The following GUF1 variants were observed in gnomAD, a reference collection of about 807,000 sequenced individuals.
GUF1 encodes translation factor GUF1, mitochondrial.
GUF1 carries 78 observed loss-of-function variants against 82.4 expected under a neutral mutation model. The observed-to-expected ratio is 0.95, with a 90% CI of 0.79 to 1.14. GUF1 has a LOEUF of 1.14. Ranked by LOEUF, GUF1 falls within the 50% of genes most tolerant of loss-of-function variation. The pLI, the probability that GUF1 is intolerant of heterozygous loss-of-function variation, is 0.00. For synonymous variants in GUF1, 279 were observed against 282.3 expected (o/e 0.99, Z 0.12); for missense variants, 814 against 798.2 (o/e 1.02, Z -0.24).
At chr4:44,689,005 C>A (rs1403517840) in intron 9 of GUF1, among the ~76,000 whole-genome samples, 2 of 108,440 alleles carry the variant, frequency 1.8e-5, no homozygotes, top group East Asian at 2.3e-4. Flanking sequence ...GGCCTAATTC[C>A]CATGTTTTTT....
chr4:44,700,503 G>A lies in GUF1; in HGVS notation c.*1822G>A, dbSNP rs1716170155. Reference sequence around the variant, plus strand: ...GCTTGAAGCCCCCGCCCCTCTTCAAGTTGTCCTGCCTTTCAAGACCAATGT... The same window carrying A: ...GCTTGAAGCCCCCGCCCCTCTTCAAATTGTCCTGCCTTTCAAGACCAATGT... On this transcript the variant is annotated 3_prime_UTR_variant, in exon 17 of 17. Transcript: ENST00000281543. 1 of 152,070 alleles carries A rather than the reference G, an allele frequency of 6.6e-6. No homozygotes were observed. Among genetic ancestry groups the A allele is most frequent in the Non-Finnish European group, 1.5e-5 (1 of 68,060 alleles). The allele number at this position is 152,070 out of a possible 1,614,324, so 9.4% of individuals were successfully genotyped here.
At chr4:44,693,126 A>T (rs1715550784) in intron 13 of GUF1, among the ~76,000 whole-genome samples, 1 of 152,040 alleles carries the variant, frequency 6.6e-6, no homozygotes, top group Non-Finnish European at 1.5e-5. Context: ...ACAGAAAGTC[A>T]TCATAGACTA....
chr4:44,690,898 T>C, intron 12 of GUF1, 38 bp downstream of exon 12: 1 of 1,473,886 alleles, frequency 6.8e-7, no homozygotes, highest in African/African-American at 1.4e-5. Context: ...AATTAGGTTT[T>C]AGTCCTCTGA....
rs1316307495 is a variant in GUF1 at position 44,695,680 on chromosome 4, T to G, written c.1781T>G (p.Leu594Arg). Residue 594 changes from leucine to arginine, a missense_variant, in exon 15 of 17, where the codon CTG becomes CGG. Coordinates refer to ENST00000281543, the MANE Select transcript of GUF1 (RefSeq NM_021927.3). ...CTGAAGGATTCTCTTCCTAGGCAAC[T>G]GTTTGAGATAGCAATTCAAGCTGCT... ...ERLKDSLPRQ[L>R]FEIAIQAAIG... 25 of 1,613,246 alleles carry G rather than the reference T, an allele frequency of 1.5e-5. No homozygotes were observed.
Position 44,678,691 on chromosome 4 carries a change from G to A in GUF1, c.69G>A (p.Ala23=), listed in dbSNP as rs1179604478. 1 of 1,503,620 alleles carries A rather than the reference G, an allele frequency of 6.7e-7. No individual in the cohort carries two copies. Among genetic ancestry groups the A allele is most frequent in the Non-Finnish European group, 8.8e-7 (1 of 1,140,334 alleles). The allele number at this position is 1,503,620 out of a possible 1,614,324, so 93.1% of individuals were successfully genotyped here. The change falls in exon 1 of 17, where the codon GCG becomes GCA. Residue 23 remains alanine (A), a synonymous_variant. Transcript: ENST00000281543. The stretch of plus-strand genomic sequence containing the variant: ...TCGCGCCACGAGCCACTGGGGCCGC[G>A]CTTCTGGTGGCCCCGGGGCCCCGGT... The part of the protein sequence containing the change: ...RALAPRATGA[A]LLVAPGPRSA...
intron 3 of GUF1, 34 bp downstream of exon 3, chr4:44,680,876 A>G (rs1358261402): frequency 2.3e-5 from 36 of 1,548,042 alleles, no homozygotes; most frequent in Non-Finnish European, 3.2e-5. Context: ...TGTATTGTTA[A>G]AGTCAACATT....
intron 4 of GUF1, chr4:44,682,120 A>G: frequency 2.9e-6 from 1 of 347,484 alleles, no homozygotes; most frequent in Admixed American, 4.8e-5. Flanking sequence ...ACTTGATGTG[A>G]TTATTGCTTT....
At chr4:44,686,381 C>G in intron 7 of GUF1, 129 bp from the exon 8 acceptor site, 4 of 513,774 alleles carry the variant, frequency 7.8e-6, no homozygotes, top group Non-Finnish European at 1.3e-5. Context: ...ATAAAAAGGT[C>G]TTTTTATTTA....
intron 16 of GUF1, among the ~76,000 whole-genome samples, chr4:44,698,070 C>T (rs914166021): frequency 3.3e-5 from 5 of 152,090 alleles, no homozygotes; most frequent in Non-Finnish European, 7.4e-5. Context: ...TGCTTGAGCT[C>T]AGGAGGCGGA....
chr4:44,678,834 A>G, intron 1 of GUF1, 47 bp downstream of exon 1: 1 of 1,518,546 alleles, frequency 6.6e-7, no homozygotes, highest in Admixed American at 2.5e-5. Flanking sequence ...CAAACGTTGG[A>G]GTGCCCCATG....
intron 6 of GUF1, among the ~76,000 whole-genome samples, chr4:44,684,791 G>T (rs1282885171): frequency 6.6e-6 from 1 of 152,128 alleles, no homozygotes; most frequent in African/African-American, 2.4e-5. Context: ...AATCTGCATT[G>T]CATTAAATGA....
intron 11 of GUF1, among the ~76,000 whole-genome samples, 166 bp downstream of exon 11, chr4:44,690,141 T>A (rs535781388): frequency 8.9e-6 from 1 of 112,184 alleles, no homozygotes; most frequent in South Asian, 2.7e-4. Context: ...TGAATTACCC[T>A]ATGGCTAATG....
chr4:44,695,436 C>T (rs980264423), intron 14 of GUF1, among the ~76,000 whole-genome samples, 179 bp from the exon 15 acceptor site: 17 of 152,158 alleles, frequency 1.1e-4, no homozygotes, highest in African/African-American at 4.1e-4. Flanking sequence ...TGTAATCATA[C>T]ATTACTTTTT....
At chr4:44,686,902 T>A in intron 8 of GUF1, among the ~76,000 whole-genome samples, 189 bp downstream of exon 8, 1 of 151,932 alleles carries the variant, frequency 6.6e-6, no homozygotes, top group Non-Finnish European at 1.5e-5. Flanking sequence ...AGTTGATACT[T>A]TTTTTATTCT....
At chr4:44,679,896 A>C (rs758799385) in intron 1 of GUF1, among the ~76,000 whole-genome samples, 2 of 152,160 alleles carry the variant, frequency 1.3e-5, no homozygotes, top group Non-Finnish European at 2.9e-5. Flanking sequence ...AATATTTTTA[A>C]GTTTTAAGTG....
rs1011617747 is a variant in GUF1, at chr4:44,678,774, C to T, written c.152C>T (p.Ser51Phe). The change falls in exon 1 of 17, where the codon TCC becomes TTC. Residue 51 changes from serine to phenylalanine, a missense_variant. Transcript: ENST00000281543. ...TGGGCTACCGACAGGCTCTACAGCT[C>T]CGCAGAATTCAAGGTGACTGCCCCC... Reference protein sequence around the residue: ...ESWATDRLYSSAEFKEKLDMS... With the variant: ...ESWATDRLYSFAEFKEKLDMS... 3.2e-6 allele frequency: 5 copies of T among 1,552,940 alleles called. 1 individual carries two copies. The South Asian group carries it at 4.9e-5, about 15-fold the overall frequency.
Position 44,680,697 on chromosome 4 carries a change from CA to C in GUF1, c.283del (p.Ile95LeufsTer42). 1 of 1,584,222 alleles carries C rather than the reference CA, an allele frequency of 6.3e-7. No individual in the cohort carries two copies. The highest frequency in any genetic ancestry group is 1.4e-5 in the African/African-American group (1 of 73,924). ...LADRLLELTG[T>X]IDKTKNNKQV... Reference sequence around the variant, plus strand: ...CAATAAGTGTTTCTGTTTATAGGGACAATTGATAAAACAAAGAATAATAAGC... The same window carrying C: ...CAATAAGTGTTTCTGTTTATAGGGACATTGATAAAACAAAGAATAATAAGC... On this transcript the variant is annotated frameshift_variant, in exon 3 of 17. Coordinates refer to ENST00000281543, the MANE Select transcript of GUF1 (RefSeq NM_021927.3). LOFTEE classifies it high-confidence loss of function.
intron 4 of GUF1, among the ~76,000 whole-genome samples, chr4:44,681,609 GT>G (rs1714776947): frequency 6.6e-6 from 1 of 152,012 alleles, no homozygotes; most frequent in African/African-American, 2.4e-5. Context: ...GAAGTATTAG[GT>G]TTTTAAAAAA....
Position 44,680,791 on chromosome 4 carries a change from C to T in GUF1, c.375C>T (p.Leu125=). 8 of 1,612,516 alleles carry T rather than the reference C, an allele frequency of 5.0e-6. No homozygotes were observed. The highest frequency in any genetic ancestry group is 6.8e-6 in the Non-Finnish European group (8 of 1,178,992). The change falls in exon 3 of 17, where the codon CTC becomes CTT. Residue 125 remains leucine (L), a synonymous_variant. Coordinates refer to ENST00000281543, the MANE Select transcript of GUF1 (RefSeq NM_021927.3). ...CTGTTAAAGCACAGACAGCATCTCT[C>T]TTTTACAATTGTGAAGGAAAGCAGT... ...GITVKAQTAS[L]FYNCEGKQYL...
Sources: allele counts gnomAD v4.1 joint callset (sites outside exome capture counted in the v4.1 genomes callset), GRCh38; gene constraint gnomAD v4.1.1; transcripts MANE v1.5; gene names NCBI Gene and HGNC (gene_info 2026-07-23, HGNC 2026-07-21).